Variants in RABGEF1 observed in about 807,000 individuals in gnomAD.
RABGEF1 encodes rab5 GDP/GTP exchange factor.
Under a neutral mutation model 57.3 loss-of-function variants are expected in RABGEF1, and 26 were observed. The ratio of observed to expected loss-of-function variants is 0.45; its 90% CI spans 0.33 to 0.63. The LOEUF (loss-of-function observed/expected upper bound fraction) is 0.63. Among genes scored for constraint, RABGEF1 ranks in the 20% least tolerant of loss-of-function variants. RABGEF1 has a pLI of 0.02. For synonymous variants in RABGEF1, 185 were observed against 210.7 expected (o/e 0.88, Z 1.06); for missense variants, 464 against 607.6 (o/e 0.76, Z 2.48).
chr7:66,704,308 A>T (rs1793699988), intron 1 of RABGEF1, among the ~76,000 whole-genome samples: 1 of 152,202 alleles, frequency 6.6e-6, no homozygotes. Flanking sequence ...TTTTAAAAAA[A>T]TTTCAGAGTT....
intron 3 of RABGEF1, among the ~76,000 whole-genome samples, chr7:66,777,447 A>G (rs1214340437): frequency 1.3e-5 from 2 of 151,518 alleles, no homozygotes; most frequent in African/African-American, 2.4e-5. Context: ...TATTTAATAT[A>G]TATCATAAAT....
At chr7:66,722,758 C>G (rs1156419364) in intron 2 of RABGEF1, among the ~76,000 whole-genome samples, 6 of 151,980 alleles carry the variant, frequency 3.9e-5, no homozygotes, top group Non-Finnish European at 7.4e-5. Context: ...TTTTCTTTTT[C>G]AAGATTGTTT....
In RABGEF1 at chr7:66,809,084, A is replaced by G. The variant is rs1168350494; in HGVS notation, c.1276A>G (p.Arg426Gly). 3 of 1,614,174 alleles carry G rather than the reference A, an allele frequency of 1.9e-6. No individual in the cohort carries two copies. Among genetic ancestry groups the G allele is most frequent in the Admixed American group, 3.3e-5 (2 of 60,020 alleles). ...LLSQLNERQE[R>G]IMNEAKKLEK... is the part of the protein sequence containing the mutation. Reference sequence around the variant, plus strand: ...GTCTCAGTTGAATGAACGACAAGAAAGGATCATGAATGAAGCCAAGAAACT... The same window carrying G: ...GTCTCAGTTGAATGAACGACAAGAAGGGATCATGAATGAAGCCAAGAAACT... The change falls in exon 9 of 9, where the codon AGG becomes GGG. Residue 426 changes from arginine to glycine, a missense_variant. Arg to Gly is a moderately radical substitution (Grantham distance 125, BLOSUM62 -2). Transcript: ENST00000284957.
chr7:66,741,875 C>T (rs1444298174), intron 1 of RABGEF1, among the ~76,000 whole-genome samples: 2 of 151,816 alleles, frequency 1.3e-5, no homozygotes, highest in Non-Finnish European at 2.9e-5. Flanking sequence ...CGGTGGCTCA[C>T]GTCTGTAATC....
chr7:66,691,468 T>C (rs1229863576), intron 1 of RABGEF1, among the ~76,000 whole-genome samples: 11 of 152,078 alleles, frequency 7.2e-5, no homozygotes, highest in Admixed American at 3.9e-4. Flanking sequence ...CATGAATGAG[T>C]GTCAAAAAAT....
At chr7:66,796,891 T>C (rs1194523117) in intron 5 of RABGEF1, 1 of 446,424 alleles carries the variant, frequency 2.2e-6, no homozygotes, top group Non-Finnish European at 4.5e-6. Context: ...CGCACCCAGC[T>C]GGTAAGTTTT....
intron 1 of RABGEF1, among the ~76,000 whole-genome samples, chr7:66,702,627 C>T (rs536874921): frequency 3.6e-4 from 55 of 152,138 alleles, no homozygotes; most frequent in African/African-American, 1.3e-3. Flanking sequence ...TTCTCCAGAC[C>T]CTCAACAAAA....
At chr7:66,666,552 A>T in the RABGEF1 span, among the ~76,000 whole-genome samples, 1 of 152,138 alleles carries the variant, frequency 6.6e-6, no homozygotes, top group East Asian at 1.9e-4. Context: ...CACTCCAGTG[A>T]TGTTTCCTGG....
chr7:66,750,718 G>C (rs1801212184), intron 1 of RABGEF1, among the ~76,000 whole-genome samples: 2 of 152,300 alleles, frequency 1.3e-5, no homozygotes, highest in South Asian at 4.1e-4. Context: ...CAGAAAAACT[G>C]ATCAGCCAGT....
intron 1 of RABGEF1, among the ~76,000 whole-genome samples, chr7:66,751,699 C>T (rs1378296440): frequency 6.6e-6 from 1 of 152,148 alleles, no homozygotes; most frequent in Non-Finnish European, 1.5e-5. Flanking sequence ...GGAGTCCCTC[C>T]CCGACAGAGG....
chr7:66,737,655 C>G (rs1798162960), upstream of RABGEF1, among the ~76,000 whole-genome samples: 2 of 152,162 alleles, frequency 1.3e-5, no homozygotes, highest in Admixed American at 6.5e-5. Context: ...CTCTGTTGTT[C>G]CTGTCACTTA....
chr7:66,668,324 T>C, the RABGEF1 span, among the ~76,000 whole-genome samples: 2 of 152,196 alleles, frequency 1.3e-5, no homozygotes, highest in Non-Finnish European at 2.9e-5. Context: ...CTCGAACTCC[T>C]GGCCTCTAGC....
At chr7:66,754,051 G>A (rs1481201919) in intron 1 of RABGEF1, among the ~76,000 whole-genome samples, 1 of 146,452 alleles carries the variant, frequency 6.8e-6, no homozygotes, top group Non-Finnish European at 1.5e-5. Context: ...TGCCCAGGCT[G>A]GAGTGCTGTG....
At chr7:66,677,606 CA>C (rs1458813969), upstream of RABGEF1, among the ~76,000 whole-genome samples, 4 of 151,594 alleles carry the variant, frequency 2.6e-5, no homozygotes, top group East Asian at 7.7e-4. Context: ...ACTAAAAATA[CA>C]AAAAATTAGC....
Position 66,805,165 on chromosome 7 carries a change from T to A in RABGEF1, c.846T>A (p.Arg282=). The A allele has an allele frequency of 6.2e-7, 1 of 1,608,496 alleles. No homozygotes were observed. The change falls in exon 8 of 9, where the codon CGT becomes CGA. Residue 282 remains arginine (R), a synonymous_variant. Transcript: ENST00000284957. The stretch of plus-strand genomic sequence containing the variant: ...ATATCATTGAAATGGATTCCAAGCG[T>A]GTGCCTCGAGACAAGCTGGCCTGCA... The part of the protein sequence containing the change: ...ITDIIEMDSK[R]VPRDKLACIT...
At position 66,808,734 on chromosome 7, in the gene RABGEF1, A is replaced by G. The variant is rs1296112282; in HGVS notation, c.1078-152A>G. Reference sequence around the variant, plus strand: ...GCACGACCGGGGATAGGAGTAGGTAATTTTTGAGGCTGAAATACACAGAAG... The same window carrying G: ...GCACGACCGGGGATAGGAGTAGGTAGTTTTTGAGGCTGAAATACACAGAAG... On this transcript the variant is annotated intron_variant, in intron 8 of 8. Coordinates refer to ENST00000284957, the MANE Select transcript of RABGEF1 (RefSeq NM_014504.3). 3 of 873,980 alleles carry G rather than the reference A, an allele frequency of 3.4e-6. No homozygotes were observed. In the East Asian group the frequency reaches 8.2e-5, roughly 24 times the overall value. 54.1% of individuals were successfully genotyped at this position (873,980 alleles called of 1,614,324 possible).
At chr7:66,702,407 T>C (rs1235970071) in intron 1 of RABGEF1, among the ~76,000 whole-genome samples, 1 of 151,392 alleles carries the variant, frequency 6.6e-6, no homozygotes, top group Non-Finnish European at 1.5e-5. Context: ...CTTTAGGGTC[T>C]GACTTTTGGG....
intron 3 of RABGEF1, among the ~76,000 whole-genome samples, chr7:66,781,166 G>T (rs1809797096): frequency 6.6e-6 from 1 of 151,588 alleles, no homozygotes; most frequent in Non-Finnish European, 1.5e-5. Flanking sequence ...CTATCAGCTT[G>T]TTAGCTATAC....
intron 1 of RABGEF1, among the ~76,000 whole-genome samples, chr7:66,700,627 G>A (rs80349367): frequency 7.9e-5 from 12 of 152,162 alleles, no homozygotes; most frequent in East Asian, 5.8e-4. Context: ...AAAGGGGTTC[G>A]TGCGTAGCAG....
Sources: gnomAD v4.1 joint callset for allele counts (sites outside exome capture counted in the v4.1 genomes callset) on GRCh38, gnomAD v4.1.1 for gene constraint, MANE v1.5 for transcripts, NCBI Gene and HGNC (gene_info 2026-07-23, HGNC 2026-07-21) for gene names.